Variants in NEXN observed in about 807,000 individuals in gnomAD.
NEXN encodes the protein nexilin.
NEXN carries 65 observed loss-of-function variants against 92.6 expected under a neutral mutation model. That is an observed-to-expected ratio of 0.70 (90% CI 0.57 to 0.86). The LOEUF (loss-of-function observed/expected upper bound fraction) is 0.86. NEXN is among the 40% of genes least tolerant of loss of function. The pLI is 0.00. For missense variants in NEXN, 778 were observed against 771.1 expected, an observed-to-expected ratio of 1.01 and a Z score of -0.11; for synonymous variants, 254 against 242.5, an observed-to-expected ratio of 1.05 and a Z score of -0.44.
At chr1:77,933,650 G>C (rs1650493901) in intron 10 of NEXN, among the ~76,000 whole-genome samples, 171 bp downstream of exon 10, 1 of 152,140 alleles carries the variant, frequency 6.6e-6, no homozygotes, top group Admixed American at 6.5e-5. Context: ...TTTCTAGTCT[G>C]CTTTAACTAC....
rs767811640 is a variant in NEXN at position 77,933,438 on chromosome 1, GAGAAACA to G, written c.1215_1221del (p.Lys405AsnfsTer5). The G allele has an allele frequency of 6.2e-7, 1 of 1,613,412 alleles. No individual in the cohort carries two copies. Among genetic ancestry groups the G allele is most frequent in the Admixed American group, 1.7e-5 (1 of 60,004 alleles). ...GGAACGGAAGCATAAGCTAGAAATG[GAGAAACA>G]AGAATTTGAACAACTGAGACAGGAA... On this transcript the variant is annotated frameshift_variant, in exon 10 of 13. Coordinates refer to ENST00000334785, the MANE Select transcript of NEXN (RefSeq NM_144573.4). LOFTEE classifies it high-confidence loss of function.
chr1:77,901,610 C>T (rs1036763004), intron 1 of NEXN, among the ~76,000 whole-genome samples: 1 of 151,966 alleles, frequency 6.6e-6, no homozygotes, highest in Non-Finnish European at 1.5e-5. Context: ...GCAATGGAGC[C>T]GAATTGTTGT....
intron 11 of NEXN, chr1:77,941,609 G>A: frequency 5.0e-6 from 1 of 201,392 alleles, no homozygotes; most frequent in Non-Finnish European, 1.0e-5. Flanking sequence ...GAAGGGTAAA[G>A]AAGGAAAATC....
intron 12 of NEXN, 87 bp from the exon 13 acceptor site, chr1:77,942,370 TAAAA>T (rs374889046): frequency 1.0e-5 from 13 of 1,267,554 alleles, no homozygotes; most frequent in African/African-American, 5.9e-5. Context: ...GTTCTTTACT[TAAAA>T]AAAAAAATTT....
intron 8 of NEXN, among the ~76,000 whole-genome samples, chr1:77,929,088 G>A (rs1650088248): frequency 6.6e-6 from 1 of 152,054 alleles, no homozygotes; most frequent in Non-Finnish European, 1.5e-5. Context: ...TAGAAATTTG[G>A]CTTATTTGAG....
chr1:77,942,027 A>G lies in NEXN; in HGVS notation c.1478A>G (p.Asp493Gly). The change falls in exon 12 of 13, where the codon GAT (aspartate) becomes GGT (glycine). Residue 493 changes from aspartate to glycine, a missense_variant. Around this residue, in one of 3 missense-constraint regions of NEXN, gnomAD observed 532 missense variants for 476.7 expected, o/e 1.12. Transcript: ENST00000334785. The stretch of plus-strand genomic sequence containing the variant: ...TCTTGGCCCACTTTCTTGCAGGAAG[A>G]TGATGTTGATGTTAGGCCTGCAAGA... ...EREAENFHEEDDVDVRPARKS... is the reference protein window; with the variant it reads ...EREAENFHEEGDVDVRPARKS... 6.2e-7 allele frequency: 1 copy of G among 1,612,586 alleles called. No individual in the cohort carries two copies. The highest frequency in any genetic ancestry group is 8.5e-7 in the Non-Finnish European group (1 of 1,179,054).
Position 77,918,022 on chromosome 1 carries a change from T to C in NEXN, c.282T>C (p.Tyr94=), listed in dbSNP as rs1345590139. ...TATCTTCTAAAGTAGAAAAGGCTTA[T>C]GTTCCAAAATTAACAGGTAAGAAGC... ...EDVSSKVEKA[Y]VPKLTGTVKG... Residue 94 remains tyrosine (Y), a synonymous_variant, in exon 4 of 13, where the codon TAT becomes TAC. Coordinates refer to ENST00000334785, the MANE Select transcript of NEXN (RefSeq NM_144573.4). 4.3e-6 allele frequency: 7 copies of C among 1,613,614 alleles called. No individual in the cohort carries two copies. Among genetic ancestry groups the C allele is most frequent in the East Asian group, 4.5e-5 (2 of 44,814 alleles).
At chr1:77,897,657 C>T (rs1369592116) in intron 1 of NEXN, among the ~76,000 whole-genome samples, 3 of 152,056 alleles carry the variant, frequency 2.0e-5, no homozygotes, top group African/African-American at 7.2e-5. Context: ...AAGTTCTGGC[C>T]AGGGCAATTA....
chr1:77,934,325 T>C (rs1229337290), intron 10 of NEXN, among the ~76,000 whole-genome samples: 6 of 152,060 alleles, frequency 3.9e-5, no homozygotes, highest in Non-Finnish European at 7.4e-5. Context: ...TGTTTTCTTT[T>C]CTAAAGATGG....
chr1:77,942,513 C>T lies in NEXN; in HGVS notation c.1712C>T (p.Ala571Val). The T allele has an allele frequency of 1.2e-6, 2 of 1,613,828 alleles. No individual in the cohort carries two copies. Among genetic ancestry groups the T allele is most frequent in the Non-Finnish European group, 8.5e-7 (1 of 1,179,828 alleles). ...EEGSIMNGST[A>V]EDEEQTRSGA... ...GGTAGCATCATGAATGGCTCCACTGCTGAAGATGAAGAGCAAACCAGATCA... is the reference window on the plus strand; with the variant it reads ...GGTAGCATCATGAATGGCTCCACTGTTGAAGATGAAGAGCAAACCAGATCA... Residue 571 changes from alanine (A) to valine (V), a missense_variant, in exon 13 of 13, where the codon GCT (alanine) becomes GTT (valine). Transcript: ENST00000334785.
chr1:77,935,399 A>C (rs1650667423), intron 10 of NEXN, among the ~76,000 whole-genome samples: 1 of 152,192 alleles, frequency 6.6e-6, no homozygotes, highest in African/African-American at 2.4e-5. Flanking sequence ...ACTCCTACAA[A>C]AAGCTAATCT....
intron 11 of NEXN, among the ~76,000 whole-genome samples, chr1:77,938,582 A>C (rs996696965): frequency 1.0e-5 from 1 of 95,278 alleles, no homozygotes. Flanking sequence ...ACAGAGCAAG[A>C]CTGTCTCAAA....
chr1:77,908,391 T>TCCCCCC (rs1648306764), intron 1 of NEXN, among the ~76,000 whole-genome samples: 2 of 35,184 alleles, frequency 5.7e-5, no homozygotes, highest in Admixed American at 3.5e-4. Context: ...CTCCCCTACC[T>TCCCCCC]CTATTTTTTT....
intron 1 of NEXN, among the ~76,000 whole-genome samples, chr1:77,899,526 G>T (rs1175545693): frequency 1.3e-5 from 2 of 152,144 alleles, no homozygotes; most frequent in African/African-American, 4.8e-5. Context: ...GGGGAGAGGG[G>T]AGGGATAGCA....
At chr1:77,909,663 G>T (rs528992584) in intron 1 of NEXN, among the ~76,000 whole-genome samples, 1 of 152,102 alleles carries the variant, frequency 6.6e-6, no homozygotes, top group South Asian at 2.1e-4. Flanking sequence ...AGAAAAGTTA[G>T]GATCTTATTA....
chr1:77,916,204 C>T, intron 2 of NEXN, 71 bp downstream of exon 2: 2 of 1,236,640 alleles, frequency 1.6e-6, no homozygotes, highest in East Asian at 2.6e-5. Flanking sequence ...GCTGAAAGGA[C>T]AGTCATTTGG....
chr1:77,903,866 T>C (rs1399554791), intron 1 of NEXN, among the ~76,000 whole-genome samples: 1 of 152,156 alleles, frequency 6.6e-6, no homozygotes, highest in African/African-American at 2.4e-5. Context: ...TCGAAGCTAC[T>C]GTGAGCTGTG....
chr1:77,923,315 T>G (rs1478713117), intron 5 of NEXN, among the ~76,000 whole-genome samples: 1 of 151,956 alleles, frequency 6.6e-6, no homozygotes, highest in African/African-American at 2.4e-5. Flanking sequence ...ATAAAATGTA[T>G]TATTTCTTTC....
intron 9 of NEXN, among the ~76,000 whole-genome samples, chr1:77,931,231 C>CAAAA (rs367898061): frequency 1.4e-3 from 163 of 120,490 alleles, no homozygotes; most frequent in African/African-American, 3.9e-3. Flanking sequence ...ACTAAAAATA[C>CAAAA]AAAAAAAAAA....
Sources: allele counts gnomAD v4.1 joint callset (sites outside exome capture counted in the v4.1 genomes callset), GRCh38; gene constraint gnomAD v4.1.1; regional missense constraint gnomAD v4.1.1; transcripts MANE v1.5; gene names NCBI Gene and HGNC (gene_info 2026-07-23, HGNC 2026-07-21).